The following NCKAP5 variants were observed in gnomAD, a reference collection of about 807,000 sequenced individuals.
NCKAP5 encodes NCK associated protein 5, also known as nck-associated protein 5.
Under a neutral mutation model 167.0 loss-of-function variants are expected in NCKAP5, and 92 were observed. That is an observed-to-expected ratio of 0.55 (90% CI 0.47 to 0.66). NCKAP5 has a LOEUF of 0.66. Among genes scored for constraint, NCKAP5 ranks in the 30% least tolerant of loss-of-function variants. The pLI, the probability that NCKAP5 is intolerant of heterozygous loss-of-function variation, is 0.00. For missense variants in NCKAP5, 2,378 were observed against 2,315.0 expected, an observed-to-expected ratio of 1.03 and a Z score of -0.56; for synonymous variants, 891 against 877.4, an observed-to-expected ratio of 1.02 and a Z score of -0.27.
At chr2:132,890,215 C>T (rs1310997081) in intron 8 of NCKAP5, among the ~76,000 whole-genome samples, 2 of 152,082 alleles carry the variant, frequency 1.3e-5, no homozygotes, top group Admixed American at 1.3e-4. Context: ...GAATTTTTTC[C>T]AGCCAAAAAT....
chr2:133,095,948 G>GA, intron 6 of NCKAP5, among the ~76,000 whole-genome samples: 1 of 152,058 alleles, frequency 6.6e-6, no homozygotes. Flanking sequence ...GTGGACACAT[G>GA]GCCTCAGGGT....
intron 3 of NCKAP5, among the ~76,000 whole-genome samples, chr2:133,353,354 C>T (rs1574777772): frequency 6.6e-6 from 1 of 152,146 alleles, no homozygotes. Context: ...CCCAGTTTTC[C>T]ATATCTATCT....
chr2:133,408,050 CAG>C (rs1333909595), intron 3 of NCKAP5, among the ~76,000 whole-genome samples: 2 of 152,178 alleles, frequency 1.3e-5, no homozygotes, highest in African/African-American at 2.4e-5. Context: ...ACTGAAAAAT[CAG>C]AGGGTCCTGA....
At chr2:132,877,897 G>A (rs773437467) in intron 9 of NCKAP5, among the ~76,000 whole-genome samples, 17 of 152,302 alleles carry the variant, frequency 1.1e-4, no homozygotes, top group South Asian at 1.0e-3. Flanking sequence ...GGAACCAGAC[G>A]AAATGCAGTT....
At chr2:133,609,858 G>A in the NCKAP5 span, among the ~76,000 whole-genome samples, 1 of 152,184 alleles carries the variant, frequency 6.6e-6, no homozygotes, top group Non-Finnish European at 1.5e-5. Flanking sequence ...TGTCAAGAGT[G>A]ACTCATAATA....
intron 3 of NCKAP5, among the ~76,000 whole-genome samples, chr2:133,457,943 C>T (rs766316092): frequency 5.9e-5 from 9 of 152,260 alleles, no homozygotes; most frequent in East Asian, 3.9e-4. Flanking sequence ...TAAGTGTGTA[C>T]GCCCTTTCCC....
At chr2:132,873,505 T>C (rs997298169) in intron 9 of NCKAP5, among the ~76,000 whole-genome samples, 1 of 152,212 alleles carries the variant, frequency 6.6e-6, no homozygotes, top group Admixed American at 6.5e-5. Context: ...GTCCACATAA[T>C]ATACATGTAT....
chr2:133,517,513 C>G lies in NCKAP5; in HGVS notation c.14G>C (p.Arg5Thr). The G allele has an allele frequency of 6.5e-7, 1 of 1,537,342 alleles. No homozygotes were observed. Among genetic ancestry groups the G allele is most frequent in the Non-Finnish European group, 8.8e-7 (1 of 1,138,376 alleles). Residue 5 changes from arginine (R) to threonine (T), a missense_variant, in exon 3 of 20, where the codon AGA (arginine) becomes ACA (threonine). Physicochemically the swap from Arg to Thr is moderately conservative, Grantham distance 71 (BLOSUM62 -1). This residue lies in a region of NCKAP5 where 1,049 missense variants were observed against 1,023.4 expected (regional missense o/e 1.02). Coordinates refer to ENST00000409261, the MANE Select transcript of NCKAP5 (RefSeq NM_207363.3). ...TCCAAAGTCCCTTTTCTCAAGCTGT[C>G]TCTTTCCCTCCATGGATGAAGTTAT... is the stretch of plus-strand genomic sequence containing the variant. MEGK[R>T]QLEKRDFGKR...
intron 4 of NCKAP5, among the ~76,000 whole-genome samples, chr2:133,230,767 C>A (rs370629101): frequency 6.6e-6 from 1 of 152,096 alleles, no homozygotes; most frequent in Non-Finnish European, 1.5e-5. Flanking sequence ...TTTCTGAAAC[C>A]GACTTCAACA....
intron 2 of NCKAP5, among the ~76,000 whole-genome samples, chr2:133,537,202 A>G (rs1161486693): frequency 6.6e-6 from 1 of 151,996 alleles, no homozygotes; most frequent in Non-Finnish European, 1.5e-5. Context: ...ATTACTATAG[A>G]TTTATAGTAG....
intron 3 of NCKAP5, among the ~76,000 whole-genome samples, chr2:133,424,287 A>G (rs1004378841): frequency 5.3e-5 from 8 of 152,192 alleles, no homozygotes; most frequent in Admixed American, 5.2e-4. Context: ...CTCAGGCCTC[A>G]GAGGTTTCCC....
intron 3 of NCKAP5, among the ~76,000 whole-genome samples, chr2:133,505,482 CAT>C (rs1367579933): frequency 6.6e-6 from 1 of 152,210 alleles, no homozygotes; most frequent in African/African-American, 2.4e-5. Flanking sequence ...AGCTGGTCCA[CAT>C]GTTTCCAGGG....
chr2:133,420,959 T>C (rs1446011502), intron 3 of NCKAP5, among the ~76,000 whole-genome samples: 2 of 152,206 alleles, frequency 1.3e-5, no homozygotes, highest in Non-Finnish European at 2.9e-5. Flanking sequence ...CACTGGTTCT[T>C]ATTGCCTCAT....
At chr2:132,756,168 G>A (rs1309117251) in intron 16 of NCKAP5, among the ~76,000 whole-genome samples, 2 of 152,046 alleles carry the variant, frequency 1.3e-5, no homozygotes, top group Non-Finnish European at 2.9e-5. Context: ...AAAACTTGAG[G>A]CAAATACATG....
intron 4 of NCKAP5, among the ~76,000 whole-genome samples, chr2:133,250,919 G>T (rs1243872095): frequency 6.6e-6 from 1 of 151,718 alleles, no homozygotes; most frequent in South Asian, 2.1e-4. Flanking sequence ...GACAGGGTGA[G>T]ACCCTGTCTC....
chr2:133,435,946 G>A (rs559864289), intron 3 of NCKAP5, among the ~76,000 whole-genome samples: 47 of 152,026 alleles, frequency 3.1e-4, no homozygotes, highest in African/African-American at 1.1e-3. Flanking sequence ...TGAATTTTTC[G>A]TCTTCCTTTA....
At chr2:133,594,773 T>C in the NCKAP5 span, among the ~76,000 whole-genome samples, 1 of 152,112 alleles carries the variant, frequency 6.6e-6, no homozygotes, top group African/African-American at 2.4e-5. Flanking sequence ...TGAAAAACAA[T>C]ATAGTTACTT....
intron 6 of NCKAP5, among the ~76,000 whole-genome samples, chr2:133,104,237 A>G (rs2081611331): frequency 6.6e-6 from 1 of 152,232 alleles, no homozygotes; most frequent in African/African-American, 2.4e-5. Context: ...GCACAGCGTC[A>G]AAGAGATGTG....
chr2:133,072,137 T>G (rs113870720), intron 6 of NCKAP5, among the ~76,000 whole-genome samples: 2,226 of 151,174 alleles, frequency 0.015, 65 homozygotes, highest in African/African-American at 0.05. Flanking sequence ...CAGGCTGGAG[T>G]GCAATGGCAT....
Sources: allele counts gnomAD v4.1 joint callset (sites outside exome capture counted in the v4.1 genomes callset), GRCh38; gene constraint gnomAD v4.1.1; regional missense constraint gnomAD v4.1.1; transcripts MANE v1.5; gene names NCBI Gene and HGNC (gene_info 2026-07-23, HGNC 2026-07-21).